ARMC9: variants seen among roughly 807,000 people sequenced by gnomAD.
ARMC9 encodes the protein armadillo repeat containing 9.
In ARMC9, 94 loss-of-function variants were observed where a neutral mutation model predicts 107.0. The ratio of observed to expected loss-of-function variants is 0.88; its 90% CI spans 0.74 to 1.04. The LOEUF (loss-of-function observed/expected upper bound fraction) is 1.04. Among genes scored for constraint, ARMC9 ranks in the 50% least tolerant of loss-of-function variants. The pLI, the probability that ARMC9 is intolerant of heterozygous loss-of-function variation, is 0.00. For missense variants in ARMC9, 942 were observed against 1,030.1 expected, an observed-to-expected ratio of 0.91 and a Z score of 1.17; for synonymous variants, 380 against 396.9, an observed-to-expected ratio of 0.96 and a Z score of 0.51.
At chr2:231,326,456 G>A (rs561914014) in intron 19 of ARMC9, among the ~76,000 whole-genome samples, 7 of 152,318 alleles carry the variant, frequency 4.6e-5, no homozygotes, top group South Asian at 2.1e-4. Context: ...GCTGATTGTT[G>A]GAAAAGGCTC....
chr2:231,367,886 G>A (rs1402722175), intron 23 of ARMC9, among the ~76,000 whole-genome samples: 1 of 151,304 alleles, frequency 6.6e-6, no homozygotes, highest in African/African-American at 2.4e-5. Context: ...GGGAGGCTGA[G>A]TCACGAGAAC....
chr2:231,248,797 G>T (rs113232915), intron 9 of ARMC9, among the ~76,000 whole-genome samples: 8,035 of 124,176 alleles, frequency 0.065, 327 homozygotes, highest in Non-Finnish European at 0.091. Context: ...ACAGAACGAG[G>T]TTCTGTCTCA....
rs775538265 is a variant in ARMC9 at position 231,370,091 on chromosome 2, C to G, written c.2400C>G (p.Pro800=). The change falls in exon 24 of 25, where the codon CCC becomes CCG. Residue 800 remains proline (P), a synonymous_variant. Transcript: ENST00000611582. ...SSCGPQQASR[P]GSTASSTRGL... ...GTGGCCCCCAGCAGGCCAGCCGCCC[C>G]GGCTCCACAGCGTCCTCCACAAGGG... is the stretch of plus-strand genomic sequence containing the variant. The G allele has an allele frequency of 2.5e-5, 38 of 1,534,390 alleles. No individual in the cohort carries two copies. The Middle Eastern group carries it at 2.5e-3, about 101-fold the overall frequency.
intron 20 of ARMC9, among the ~76,000 whole-genome samples, chr2:231,336,841 C>T (rs1212946995): frequency 1.3e-5 from 2 of 152,170 alleles, no homozygotes; most frequent in African/African-American, 4.8e-5. Context: ...CCCATTTGGA[C>T]AGAACTCAGG....
Position 231,276,719 on chromosome 2 carries a change from A to T in ARMC9, c.1418A>T (p.Asp473Val). ...CTGAAGGACCCTGACTGCCTGTCTG[A>T]CTACACGCTGGAGTACTCGGTGGCT... ...DVLKDPDCLS[D>V]YTLEYSVALL... Residue 473 changes from aspartate (D) to valine (V), a missense_variant, in exon 15 of 25, where the codon GAC becomes GTC. Asp to Val is a radical substitution (Grantham distance 152). Coordinates refer to ENST00000611582, the MANE Select transcript of ARMC9 (RefSeq NM_001352754.2). The T allele has an allele frequency of 6.2e-7, 1 of 1,613,900 alleles. No individual in the cohort carries two copies. Among genetic ancestry groups the T allele is most frequent in the Admixed American group, 1.7e-5 (1 of 59,996 alleles).
At chr2:231,245,015 A>G (rs2036624924) in intron 9 of ARMC9, among the ~76,000 whole-genome samples, 1 of 152,214 alleles carries the variant, frequency 6.6e-6, no homozygotes, top group South Asian at 2.1e-4. Context: ...CACCTAGTTC[A>G]CACCCAGGTA....
At chr2:231,318,572 G>A (rs781757279) in intron 19 of ARMC9, among the ~76,000 whole-genome samples, 6 of 151,958 alleles carry the variant, frequency 3.9e-5, no homozygotes, top group Non-Finnish European at 5.9e-5. Context: ...CCTCTACCAC[G>A]TTCACACCTC....
chr2:231,289,789 G>A (rs1469252877), intron 17 of ARMC9, among the ~76,000 whole-genome samples: 1 of 152,140 alleles, frequency 6.6e-6, no homozygotes, highest in Non-Finnish European at 1.5e-5. Context: ...TCCTCTGTGA[G>A]CTTACCCATC....
intron 1 of ARMC9, among the ~76,000 whole-genome samples, chr2:231,202,268 G>A (rs569493042): frequency 9.3e-5 from 14 of 149,780 alleles, no homozygotes; most frequent in Non-Finnish European, 1.8e-4. Context: ...CCAAAGTGCT[G>A]GGATTACAGG....
chr2:231,294,531 G>A (rs1036909232), intron 18 of ARMC9: 3 of 152,452 alleles, frequency 2.0e-5, no homozygotes, highest in Admixed American at 6.5e-5. Flanking sequence ...AGGTCTACAA[G>A]GCACTTCACT....
At chr2:231,230,131 G>A (rs1297270483) in intron 7 of ARMC9, among the ~76,000 whole-genome samples, 3 of 152,160 alleles carry the variant, frequency 2.0e-5, no homozygotes, top group Admixed American at 6.6e-5. Flanking sequence ...GGAGGCTGAA[G>A]TGGGAGGATA....
In ARMC9 at chr2:231,301,030, G is replaced by A. The variant is rs538692959; in HGVS notation, c.1773+4777G>A. Reference sequence around the variant, plus strand: ...AACCCATGTTAGTGATCTAGTGTGTGCATGCGCTTTCATACTTAAAAGATG... The same window carrying A: ...AACCCATGTTAGTGATCTAGTGTGTACATGCGCTTTCATACTTAAAAGATG... On this transcript the variant is annotated intron_variant, in intron 19 of 24. Transcript: ENST00000611582. Among the ~76,000 whole-genome samples the A allele has an allele frequency of 7.9e-5, 12 of 152,246 alleles. No homozygotes were observed. The South Asian group carries it at 2.3e-3, about 29-fold the overall frequency.
In ARMC9 at chr2:231,362,289, A is replaced by G. The variant is rs1158580453; in HGVS notation, c.2261+1406A>G. Among the ~76,000 whole-genome samples, 1 of 152,168 alleles carries G rather than the reference A, an allele frequency of 6.6e-6. No individual in the cohort carries two copies. Among genetic ancestry groups the G allele is most frequent in the Non-Finnish European group, 1.5e-5 (1 of 68,016 alleles). On this transcript the variant is annotated intron_variant, in intron 23 of 24. Transcript: ENST00000611582. The surrounding 1 kb of genome is among the most constrained non-coding windows in gnomAD (Gnocchi z 4.7). ...ATGAGAGACCTCTGAGGAGTGGGCT[A>G]GAGCTATCTCATGCCCCCAGTCCAG... is the stretch of plus-strand genomic sequence containing the variant.
intron 21 of ARMC9, among the ~76,000 whole-genome samples, chr2:231,355,343 GAAA>G (rs1160974157): frequency 6.6e-6 from 1 of 152,104 alleles, no homozygotes; most frequent in Non-Finnish European, 1.5e-5. Flanking sequence ...CTGTCTCTAA[GAAA>G]AAAAGAAGAA....
At chr2:231,263,568 A>G (rs959424659) in intron 12 of ARMC9, among the ~76,000 whole-genome samples, 1 of 152,206 alleles carries the variant, frequency 6.6e-6, no homozygotes, top group Non-Finnish European at 1.5e-5. Flanking sequence ...TCCCTGTACT[A>G]CTACATTGGC....
Position 231,360,839 on chromosome 2 carries a change from G to T in ARMC9, c.2217G>T (p.Gln739His). The T allele has an allele frequency of 6.5e-7, 1 of 1,535,762 alleles. No individual in the cohort carries two copies. Among genetic ancestry groups the T allele is most frequent in the South Asian group, 1.2e-5 (1 of 84,018 alleles). Reference sequence around the variant, plus strand: ...CAGCCCCCACGGGGACCCCCCGCCAGCCAAGGGAGGCGCCCCAGGACCCAG... The same window carrying T: ...CAGCCCCCACGGGGACCCCCCGCCATCCAAGGGAGGCGCCCCAGGACCCAG... ...PRPAPTGTPR[Q>H]PREAPQDPGN... The change falls in exon 23 of 25, where the codon CAG (glutamine) becomes CAT (histidine). Residue 739 changes from glutamine (Q) to histidine (H), a missense_variant. Physicochemically the swap from Gln to His is conservative, Grantham distance 24 (BLOSUM62 0). Transcript: ENST00000611582. The surrounding 1 kb of genome is among the most constrained non-coding windows in gnomAD (Gnocchi z 4.7).
chr2:231,289,795 C>T (rs2040864640), intron 17 of ARMC9, among the ~76,000 whole-genome samples: 1 of 152,174 alleles, frequency 6.6e-6, no homozygotes, highest in Non-Finnish European at 1.5e-5. Context: ...GTGAGCTTAC[C>T]CATCTCTGCC....
intron 8 of ARMC9, among the ~76,000 whole-genome samples, chr2:231,237,217 C>G (rs972337057): frequency 2.1e-4 from 28 of 134,330 alleles, no homozygotes; most frequent in African/African-American, 7.5e-4. Context: ...TACACACATG[C>G]GTACAGCATT....
At chr2:231,256,976 C>T (rs1052857853) in intron 10 of ARMC9, among the ~76,000 whole-genome samples, 4 of 152,118 alleles carry the variant, frequency 2.6e-5, no homozygotes, top group Non-Finnish European at 4.4e-5. Flanking sequence ...CCACCACGCC[C>T]GGCTAATTTT....
Sources: gnomAD v4.1 joint callset for allele counts (sites outside exome capture counted in the v4.1 genomes callset) on GRCh38, gnomAD v4.1.1 for gene constraint, Gnocchi (gnomAD v3.1) non-coding constraint, MANE v1.5 for transcripts, NCBI Gene and HGNC (gene_info 2026-07-23, HGNC 2026-07-21) for gene names.